The following ANKS1B variants were observed in gnomAD, a reference collection of about 807,000 sequenced individuals.
The protein encoded by ANKS1B is ankyrin repeat and sterile alpha motif domain containing 1B, also known as ankyrin repeat and sterile alpha motif domain-containing protein 1B.
ANKS1B carries 36 observed loss-of-function variants against 148.3 expected under a neutral mutation model. The observed-to-expected ratio is 0.24, with a 90% CI of 0.19 to 0.32. The LOEUF is 0.32. Ranked by LOEUF, ANKS1B falls within the 10% of genes least tolerant of loss-of-function variation. The probability of loss-of-function intolerance (pLI) is 1.00; values close to 1 mark genes in which losing one functional copy is unlikely to be tolerated. For synonymous variants in ANKS1B, 542 were observed against 560.8 expected, an observed-to-expected ratio of 0.97 and a Z score of 0.47; for missense variants, 1,157 against 1,542.6, an observed-to-expected ratio of 0.75 and a Z score of 4.19.
intron 1 of ANKS1B, among the ~76,000 whole-genome samples, chr12:99,833,803 T>A (rs914400613): frequency 1.3e-5 from 2 of 152,158 alleles, no homozygotes; most frequent in African/African-American, 4.8e-5. Context: ...GGCCTATAGA[T>A]TTCAATTACC....
chr12:99,167,975 ATATAAAG>A (rs2077354352), intron 14 of ANKS1B, among the ~76,000 whole-genome samples: 1 of 152,250 alleles, frequency 6.6e-6, no homozygotes, highest in East Asian at 1.9e-4. Flanking sequence ...GATTCCATTT[ATATAAAG>A]TTCTAGAGAG....
intron 9 of ANKS1B, among the ~76,000 whole-genome samples, chr12:99,522,866 G>A (rs184985000): frequency 3.5e-4 from 54 of 152,262 alleles, no homozygotes; most frequent in Non-Finnish European, 6.9e-4. Context: ...CATAAAAGGC[G>A]GGCTAACTGG....
At chr12:99,821,217 A>G (rs949406418) in intron 2 of ANKS1B, among the ~76,000 whole-genome samples, 1 of 152,020 alleles carries the variant, frequency 6.6e-6, no homozygotes, top group African/African-American at 2.4e-5. Flanking sequence ...TAAATGGTTC[A>G]AGGTCACACA....
At chr12:98,955,648 A>G (rs184191615) in intron 17 of ANKS1B, among the ~76,000 whole-genome samples, 1 of 152,290 alleles carries the variant, frequency 6.6e-6, no homozygotes, top group East Asian at 1.9e-4. Context: ...ATTTGCTGAA[A>G]GATTGAATTT....
intron 12 of ANKS1B, among the ~76,000 whole-genome samples, chr12:99,334,579 C>T (rs2088368487): frequency 2.0e-5 from 3 of 152,060 alleles, no homozygotes; most frequent in Admixed American, 2.0e-4. Context: ...GTTCCAAATG[C>T]ACACCACCAT....
chr12:98,751,439 T>C lies in ANKS1B; in HGVS notation c.3663A>G (p.Gly1221=), dbSNP rs2098087905. ...AGCTTTCTGGAAGTGTGGAGGAGTG[T>C]CCCCCTTTTCTTGCTTGTAGTGCTA... The part of the protein sequence containing the change: ...YQLALQARKG[G]HSSTLPESFE... Residue 1221 remains glycine, a synonymous_variant, in exon 26 of 27, where the codon GGA becomes GGG. Transcript: ENST00000683438. This position sits in a 1 kb window ranked among gnomAD's most constrained non-coding sequence, Gnocchi z 4.3. The C allele has an allele frequency of 6.2e-7, 1 of 1,613,790 alleles. No homozygotes were observed. Among genetic ancestry groups the C allele is most frequent in the African/African-American group, 1.3e-5 (1 of 74,888 alleles).
chr12:98,974,851 C>G (rs981844959), intron 17 of ANKS1B, among the ~76,000 whole-genome samples: 52 of 150,924 alleles, frequency 3.4e-4, no homozygotes, highest in African/African-American at 1.1e-3. Context: ...TTCCAGCTTT[C>G]CCTCCCTCTT....
At chr12:99,632,402 T>C (rs2098170137) in intron 9 of ANKS1B, among the ~76,000 whole-genome samples, 1 of 151,950 alleles carries the variant, frequency 6.6e-6, no homozygotes. Context: ...GGGTTGGAGC[T>C]GCTGCAGAGA....
intron 11 of ANKS1B, among the ~76,000 whole-genome samples, chr12:99,435,118 C>A (rs1312256664): frequency 6.6e-6 from 1 of 151,876 alleles, no homozygotes; most frequent in Non-Finnish European, 1.5e-5. Flanking sequence ...TTGGCATGAC[C>A]ACTATATGGA....
intron 9 of ANKS1B, among the ~76,000 whole-genome samples, chr12:99,607,561 A>C (rs1012774568): frequency 6.6e-6 from 1 of 152,086 alleles, no homozygotes; most frequent in Admixed American, 6.6e-5. Context: ...TACAGAAAGA[A>C]GCAGATCCTA....
Position 98,794,693 on chromosome 12 carries a change from G to C in ANKS1B, c.3342+4241C>G, listed in dbSNP as rs2098931515. Reference sequence around the variant, plus strand: ...AGAGCTTACAGTGGATAATTCATTTGAATTTGAAAACCGTAGAAATGAACC... The same window carrying C: ...AGAGCTTACAGTGGATAATTCATTTCAATTTGAAAACCGTAGAAATGAACC... On this transcript the variant is annotated intron_variant, in intron 22 of 26. Transcript: ENST00000683438. 4 of 947,478 alleles carry C rather than the reference G, an allele frequency of 4.2e-6. No individual in the cohort carries two copies. In the Admixed American group the frequency reaches 6.8e-5, roughly 16 times the overall value. 58.7% of individuals were successfully genotyped at this position (947,478 alleles called of 1,614,324 possible). A position where few individuals can be genotyped will look rare whatever the true frequency, so the allele number is the denominator to read the frequency against.
chr12:98,879,328 C>T (rs1314234449), intron 17 of ANKS1B, among the ~76,000 whole-genome samples: 3 of 152,122 alleles, frequency 2.0e-5, no homozygotes, highest in Admixed American at 2.0e-4. Flanking sequence ...ATATCATCAC[C>T]ATTTTACAGA....
chr12:99,092,651 T>A (rs759948277), intron 15 of ANKS1B, among the ~76,000 whole-genome samples: 13 of 152,174 alleles, frequency 8.5e-5, no homozygotes, highest in African/African-American at 1.2e-4. Flanking sequence ...GGCGCCCTTG[T>A]ACGTTCATCA....
Position 98,829,014 on chromosome 12 carries a change from C to A in ANKS1B, c.3066+160G>T, listed in dbSNP as rs765117345. Among the ~76,000 whole-genome samples the A allele has an allele frequency of 2.0e-5, 3 of 152,192 alleles. No individual in the cohort carries two copies. Among genetic ancestry groups the A allele is most frequent in the Non-Finnish European group, 4.4e-5 (3 of 68,034 alleles). ...ATTCCATTCCCAGACATTTCTGTCT[C>A]GGTCTAGTTCAGATGAGCAAGGAAT... On this transcript the variant is annotated intron_variant, in intron 19 of 26. Coordinates refer to ENST00000683438, the MANE Select transcript of ANKS1B (RefSeq NM_001352186.2). This position sits in a 1 kb window ranked among gnomAD's most constrained non-coding sequence, Gnocchi z 5.2.
intron 1 of ANKS1B, among the ~76,000 whole-genome samples, chr12:99,901,415 T>C (rs1413846304): frequency 6.6e-6 from 1 of 152,240 alleles, no homozygotes; most frequent in African/African-American, 2.4e-5. Flanking sequence ...CTAGAAAATA[T>C]TACATTTCAA....
intron 8 of ANKS1B, among the ~76,000 whole-genome samples, chr12:99,753,322 A>C (rs112366880): frequency 2.0e-5 from 3 of 152,242 alleles, no homozygotes; most frequent in Non-Finnish European, 4.4e-5. Context: ...TGCCTATGAT[A>C]TTTTTAGACA....
chr12:99,052,796 T>TA (rs1195090001), intron 17 of ANKS1B, among the ~76,000 whole-genome samples: 6 of 110,002 alleles, frequency 5.5e-5, no homozygotes, highest in African/African-American at 1.0e-4. Context: ...GATAGAAAAC[T>TA]AAAAAAATGA....
intron 17 of ANKS1B, among the ~76,000 whole-genome samples, chr12:98,833,771 G>A (rs753266983): frequency 2.0e-5 from 3 of 152,010 alleles, no homozygotes; most frequent in Non-Finnish European, 2.9e-5. Context: ...GTCGTCCCCA[G>A]TGTTCACTGT....
At chr12:99,632,509 G>A (rs2098171768) in intron 9 of ANKS1B, among the ~76,000 whole-genome samples, 4 of 151,706 alleles carry the variant, frequency 2.6e-5, no homozygotes, top group African/African-American at 4.8e-5. Flanking sequence ...AATCCTAGTC[G>A]AGGAGAGCTG....
Sources: allele counts gnomAD v4.1 joint callset (sites outside exome capture counted in the v4.1 genomes callset), GRCh38; gene constraint gnomAD v4.1.1; non-coding constraint Gnocchi (gnomAD v3.1); transcripts MANE v1.5; gene names NCBI Gene and HGNC (gene_info 2026-07-23, HGNC 2026-07-21).